RORA: variants seen among roughly 807,000 people sequenced by gnomAD.
RORA encodes the protein nuclear receptor ROR-alpha.
A neutral mutation model predicts 69.5 loss-of-function variants in RORA; 7 were observed. The ratio of observed to expected loss-of-function variants is 0.10; its 90% CI spans 0.06 to 0.19. RORA has a LOEUF of 0.19. Among genes scored for constraint, RORA ranks in the 10% least tolerant of loss-of-function variants. The pLI, the probability that RORA is intolerant of heterozygous loss-of-function variation, is 1.00. For missense variants in RORA, 457 were observed against 663.0 expected (o/e 0.69, Z 3.41); for synonymous variants, 261 against 240.8 (o/e 1.08, Z -0.78).
intron 2 of RORA, among the ~76,000 whole-genome samples, chr15:60,605,464 C>T (rs2068923251): frequency 6.6e-6 from 1 of 152,130 alleles, no homozygotes; most frequent in Non-Finnish European, 1.5e-5. Flanking sequence ...TTCCCGCATA[C>T]AACTAAGGCT....
At chr15:60,751,385 C>A (rs1018876815) in intron 1 of RORA, among the ~76,000 whole-genome samples, 2 of 152,142 alleles carry the variant, frequency 1.3e-5, no homozygotes. Flanking sequence ...TTTAATTAAG[C>A]TTTGCTATTA....
chr15:60,519,244 A>AT (rs1180828473), intron 3 of RORA, among the ~76,000 whole-genome samples: 1 of 151,900 alleles, frequency 6.6e-6, no homozygotes, highest in Admixed American at 6.6e-5. Context: ...AACAAATCCC[A>AT]AATACCATTA....
chr15:60,599,454 G>C (rs1289093971), intron 2 of RORA, among the ~76,000 whole-genome samples: 1 of 152,202 alleles, frequency 6.6e-6, no homozygotes, highest in Non-Finnish European at 1.5e-5. Flanking sequence ...GGGAGGCTGA[G>C]GCAGGAGAAT....
intron 1 of RORA, among the ~76,000 whole-genome samples, chr15:60,927,954 C>T (rs2140496707): frequency 6.6e-6 from 1 of 152,260 alleles, no homozygotes; most frequent in East Asian, 1.9e-4. Flanking sequence ...GTCTTCCAGC[C>T]CTGTTTTCTC....
intron 1 of RORA, among the ~76,000 whole-genome samples, chr15:60,849,290 T>A (rs1375894836): frequency 6.6e-6 from 1 of 152,204 alleles, no homozygotes; most frequent in East Asian, 1.9e-4. Flanking sequence ...CTCACTGGTA[T>A]AAATAAATGG....
chr15:61,161,059 G>A lies in RORA; in HGVS notation c.166+67994C>T, dbSNP rs540391970. Among the ~76,000 whole-genome samples, 4 of 152,174 alleles carry A rather than the reference G, an allele frequency of 2.6e-5. No individual in the cohort carries two copies. In the South Asian group the frequency reaches 6.2e-4, roughly 24 times the overall value. ...TGGGTGCATTTGGGAGGCGGAGGGG[G>A]TCTGACAAAATAGGGGTCATCTTCT... On this transcript the variant is annotated intron_variant, in intron 1 of 10. Transcript: ENST00000335670.
At chr15:61,055,891 A>T (rs2078089791) in intron 1 of RORA, among the ~76,000 whole-genome samples, 1 of 152,230 alleles carries the variant, frequency 6.6e-6, no homozygotes, top group African/African-American at 2.4e-5. Flanking sequence ...GTCTCTTGAC[A>T]GGTAATAGTC....
At chr15:61,053,440 C>G (rs1321533567) in intron 1 of RORA, among the ~76,000 whole-genome samples, 3 of 152,068 alleles carry the variant, frequency 2.0e-5, no homozygotes, top group Non-Finnish European at 4.4e-5. Context: ...CCTTGGGCAG[C>G]AGAGAAAGCT....
chr15:60,653,752 C>T (rs1305083427), intron 2 of RORA, among the ~76,000 whole-genome samples: 2 of 151,132 alleles, frequency 1.3e-5, no homozygotes, highest in Non-Finnish European at 2.9e-5. Context: ...GTGTCTGCCT[C>T]TCAAGCCCTG....
intron 1 of RORA, among the ~76,000 whole-genome samples, chr15:60,820,059 G>A (rs1309103122): frequency 1.3e-5 from 2 of 152,180 alleles, no homozygotes; most frequent in African/African-American, 2.4e-5. Flanking sequence ...GTGTGCACGC[G>A]GTCCTCCCCT....
At chr15:60,572,139 T>C (rs564091243) in intron 2 of RORA, among the ~76,000 whole-genome samples, 2 of 152,304 alleles carry the variant, frequency 1.3e-5, no homozygotes, top group African/African-American at 4.8e-5. Flanking sequence ...ATGCTTTGAA[T>C]TTGGGAGCCT....
intron 1 of RORA, among the ~76,000 whole-genome samples, chr15:60,751,460 C>A (rs968588174): frequency 6.6e-6 from 1 of 152,096 alleles, no homozygotes; most frequent in Non-Finnish European, 1.5e-5. Flanking sequence ...GTAGACCAGG[C>A]GCTATGCCAA....
rs28694031 is a variant in RORA at position 60,865,815 on chromosome 15, G to A, written c.167-187129C>T. On this transcript the variant is annotated intron_variant, in intron 1 of 10. Coordinates refer to ENST00000335670, the MANE Select transcript of RORA (RefSeq NM_134261.3). Reference sequence around the variant, plus strand: ...CTACACTCATACCATTTATATTTTGGGACTCAGGCCTGTCTATATGTCTCA... The same window carrying A: ...CTACACTCATACCATTTATATTTTGAGACTCAGGCCTGTCTATATGTCTCA... Among the ~76,000 whole-genome samples the A allele has an allele frequency of 6.1e-3, 925 of 152,108 alleles. 12 individuals carry two copies. Among genetic ancestry groups the A allele is most frequent in the African/African-American group, 0.02 (850 of 41,496 alleles).
intron 1 of RORA, among the ~76,000 whole-genome samples, chr15:60,779,100 A>C (rs897995904): frequency 6.6e-6 from 1 of 152,184 alleles, no homozygotes; most frequent in African/African-American, 2.4e-5. Flanking sequence ...AGCGAGCATA[A>C]ATAACTCGTT....
intron 1 of RORA, among the ~76,000 whole-genome samples, chr15:61,223,254 T>C (rs548792831): frequency 1.5e-5 from 2 of 137,568 alleles, no homozygotes; most frequent in Non-Finnish European, 3.0e-5. Flanking sequence ...GCAGAGGTTG[T>C]ACTGAGCTGA....
At chr15:61,222,028 T>C (rs1308560285) in intron 1 of RORA, among the ~76,000 whole-genome samples, 1 of 152,056 alleles carries the variant, frequency 6.6e-6, no homozygotes, top group Non-Finnish European at 1.5e-5. Context: ...GTTAAGATGA[T>C]TCTAGGCTAG....
At chr15:60,549,050 C>T (rs1283871360) in intron 2 of RORA, among the ~76,000 whole-genome samples, 1 of 152,200 alleles carries the variant, frequency 6.6e-6, no homozygotes. Context: ...AAATCTCTGG[C>T]ATTCTCGATA....
At chr15:60,732,767 T>A (rs2071445659) in intron 1 of RORA, among the ~76,000 whole-genome samples, 1 of 151,680 alleles carries the variant, frequency 6.6e-6, no homozygotes, top group Admixed American at 6.6e-5. Flanking sequence ...ACGTGAACAG[T>A]TAAACATACT....
intron 2 of RORA, among the ~76,000 whole-genome samples, chr15:60,647,707 CACCTTAT>C (rs1482099012): frequency 2.0e-5 from 3 of 152,312 alleles, no homozygotes; most frequent in Admixed American, 2.0e-4. Context: ...AAGAGCCCAG[CACCTTAT>C]ACTCAGGAGA....
Sources: gnomAD v4.1 joint callset for allele counts (sites outside exome capture counted in the v4.1 genomes callset) on GRCh38, gnomAD v4.1.1 for gene constraint, MANE v1.5 for transcripts, NCBI Gene and HGNC (gene_info 2026-07-23, HGNC 2026-07-21) for gene names.